Variants in ACSS1 observed in about 807,000 individuals in gnomAD.
ACSS1 encodes the protein acetyl-coenzyme A synthetase 2-like, mitochondrial.
In ACSS1, 42 loss-of-function variants were observed where a neutral mutation model predicts 75.3. The observed-to-expected ratio is 0.56, with a 90% confidence interval of 0.44 to 0.72. The LOEUF (loss-of-function observed/expected upper bound fraction) is 0.72, where lower values mean the gene tolerates loss of function less well. ACSS1 is among the 30% of genes least tolerant of loss of function. The pLI is 0.00. For missense variants in ACSS1, 782 were observed against 935.7 expected (o/e 0.84, Z 2.14); for synonymous variants, 380 against 376.8 (o/e 1.01, Z -0.10).
intron 2 of ACSS1, 142 bp downstream of exon 2, chr20:25,047,943 T>TA: frequency 1.6e-6 from 1 of 626,180 alleles, no homozygotes; most frequent in Non-Finnish European, 2.7e-6. Context: ...CGTTCACATT[T>TA]ACTTTTCCTG....
intron 7 of ACSS1, among the ~76,000 whole-genome samples, chr20:25,015,551 C>T (rs563038872): frequency 6.6e-6 from 1 of 152,298 alleles, no homozygotes; most frequent in East Asian, 1.9e-4. Flanking sequence ...CCTGCCTTGG[C>T]CTCCCAAAGT....
At chr20:25,031,206 C>A in intron 2 of ACSS1, 1 of 572,508 alleles carries the variant, frequency 1.7e-6, no homozygotes. Context: ...TCCTTAAGTC[C>A]GCTTACGGCA....
chr20:25,037,222 A>G (rs953175523), intron 2 of ACSS1, among the ~76,000 whole-genome samples: 1 of 152,058 alleles, frequency 6.6e-6, no homozygotes, highest in Non-Finnish European at 1.5e-5. Context: ...CCTAGCTCAT[A>G]TAAGGTACTC....
At chr20:25,025,715 G>T (rs1312677480) in intron 3 of ACSS1, among the ~76,000 whole-genome samples, 1 of 152,166 alleles carries the variant, frequency 6.6e-6, no homozygotes, top group Non-Finnish European at 1.5e-5. Context: ...TCAGCCAGGG[G>T]TCATTCTCAG....
At chr20:25,019,151 G>T (rs2088572557) in intron 7 of ACSS1, among the ~76,000 whole-genome samples, 1 of 152,252 alleles carries the variant, frequency 6.6e-6, no homozygotes, top group African/African-American at 2.4e-5. Context: ...TGCCCTGCAT[G>T]CTTCCCCAGT....
chr20:25,048,102 T>C lies in ACSS1; in HGVS notation c.414A>G (p.Glu138=). 8.1e-6 allele frequency: 13 copies of C among 1,613,650 alleles called. No homozygotes were observed. Among genetic ancestry groups the C allele is most frequent in the Non-Finnish European group, 1.0e-5 (12 of 1,179,922 alleles). The part of the protein sequence containing the change: ...LIWERDEPGT[E]VRITYRELLE... The stretch of plus-strand genomic sequence containing the variant: ...CACAGTACCTGTAGGTGATCCTCAC[T>C]TCCGTTCCAGGCTCATCGCGCTCCC... The change falls in exon 2 of 14, where the codon GAA becomes GAG. Residue 138 remains glutamate (E), a synonymous_variant. Coordinates refer to ENST00000323482, the MANE Select transcript of ACSS1 (RefSeq NM_032501.4).
At chr20:25,016,067 A>T (rs2088510346) in intron 7 of ACSS1, among the ~76,000 whole-genome samples, 2 of 152,186 alleles carry the variant, frequency 1.3e-5, no homozygotes, top group Non-Finnish European at 2.9e-5. Context: ...GGCTAAATAC[A>T]ATATGGCACG....
intron 3 of ACSS1, among the ~76,000 whole-genome samples, chr20:25,025,150 T>G (rs2088693953): frequency 6.6e-6 from 1 of 152,204 alleles, no homozygotes; most frequent in Non-Finnish European, 1.5e-5. Context: ...GCTCTCACGA[T>G]ACAATGACCC....
chr20:25,049,736 G>C (rs1390134987), intron 1 of ACSS1, among the ~76,000 whole-genome samples: 1 of 152,086 alleles, frequency 6.6e-6, no homozygotes, highest in African/African-American at 2.4e-5. Context: ...TTATGGATGG[G>C]AGAACAGAGG....
In ACSS1 at chr20:25,007,060, A is replaced by G; in HGVS notation, c.*702T>C. 1 of 1,472,156 alleles carries G rather than the reference A, an allele frequency of 6.8e-7. No individual in the cohort carries two copies. Among genetic ancestry groups the G allele is most frequent in the Non-Finnish European group, 9.0e-7 (1 of 1,115,730 alleles). The allele number at this position is 1,472,156 out of a possible 1,614,324, so 91.2% of individuals were successfully genotyped here. A position where few individuals can be genotyped will look rare whatever the true frequency, so the allele number is the denominator to read the frequency against. On this transcript the variant is annotated 3_prime_UTR_variant, in exon 14 of 14. Transcript: ENST00000323482. ...ACCCCACCGCTTAGGAGTTAGCTCC[A>G]TTATACACAACCAAGCACAGGAGAA...
intron 1 of ACSS1, among the ~76,000 whole-genome samples, chr20:25,054,366 A>T (rs2089214539): frequency 6.6e-6 from 1 of 152,266 alleles, no homozygotes; most frequent in African/African-American, 2.4e-5. Context: ...TTAATAAATA[A>T]CAAATAGTCA....
intron 8 of ACSS1, 116 bp downstream of exon 8, chr20:25,015,022 C>T (rs765241823): frequency 1.2e-6 from 1 of 833,740 alleles, no homozygotes; most frequent in Non-Finnish European, 1.8e-6. Flanking sequence ...CAGTCTCGGG[C>T]GTTGAAGCGT....
chr20:25,049,934 A>C (rs758182786), intron 1 of ACSS1, among the ~76,000 whole-genome samples: 2 of 152,044 alleles, frequency 1.3e-5, no homozygotes, highest in African/African-American at 2.4e-5. Context: ...CTTTGCCGGT[A>C]GTGGGGGAAT....
At chr20:25,018,634 T>C (rs2088562231) in intron 7 of ACSS1, among the ~76,000 whole-genome samples, 1 of 152,222 alleles carries the variant, frequency 6.6e-6, no homozygotes, top group African/African-American at 2.4e-5. Context: ...GTGCCTCCTC[T>C]TCCTTCTCTG....
At chr20:25,054,036 C>G (rs963629720) in intron 1 of ACSS1, among the ~76,000 whole-genome samples, 1 of 152,352 alleles carries the variant, frequency 6.6e-6, no homozygotes, top group South Asian at 2.1e-4. Context: ...CCTTTTAGAA[C>G]CTGGCTCTCC....
intron 2 of ACSS1, among the ~76,000 whole-genome samples, chr20:25,042,536 C>T (rs574307001): frequency 1.3e-5 from 2 of 152,194 alleles, no homozygotes; most frequent in African/African-American, 2.4e-5. Context: ...GCTGTTCCCC[C>T]ACAGCCTCCC....
rs371255511 is a variant in ACSS1 at position 25,014,027 on chromosome 20, C to T, written c.1386G>A (p.Ala462=). The part of the protein sequence containing the change: ...CIAPRPSEEG[A]EILPAMAMRP... ...TCATCGCCATGGCAGGGAGGATTTC[C>T]GCCCCTTCTTCCGAGGGCCGTGGTG... The change falls in exon 9 of 14, where the codon GCG becomes GCA. Residue 462 remains alanine (A), a synonymous_variant. Coordinates refer to ENST00000323482, the MANE Select transcript of ACSS1 (RefSeq NM_032501.4). 127 of 1,613,574 alleles carry T rather than the reference C, an allele frequency of 7.9e-5. No individual in the cohort carries two copies. Among genetic ancestry groups the T allele is most frequent in the South Asian group, 7.0e-4 (64 of 91,000 alleles).
intron 1 of ACSS1, among the ~76,000 whole-genome samples, chr20:25,056,759 C>T (rs1414421689): frequency 6.6e-6 from 1 of 152,178 alleles, no homozygotes; most frequent in Non-Finnish European, 1.5e-5. Flanking sequence ...TTCTTAAACA[C>T]TCCCAAATCC....
rs766036115 is a variant in ACSS1 at position 25,057,952 on chromosome 20, C to G, written c.151G>C (p.Ala51Pro). The change falls in exon 1 of 14, where the codon GCA becomes CCA. Residue 51 changes from alanine to proline, a missense_variant. Ala to Pro is a conservative substitution (Grantham distance 27). Around this residue, in one of 2 missense-constraint regions of ACSS1, gnomAD observed 377 missense variants for 383.1 expected, o/e 0.98. Coordinates refer to ENST00000323482, the MANE Select transcript of ACSS1 (RefSeq NM_032501.4). ...GGATACGAGCCTGGCTGTGCTGCTG[C>G]TGCTGCAACTGCGGGAGCGCTGCCC... Reference protein sequence around the residue: ...PSGSAPAVAAAAAQPGSYPAL... With the variant: ...PSGSAPAVAAPAAQPGSYPAL... 5 of 1,598,068 alleles carry G rather than the reference C, an allele frequency of 3.1e-6. No homozygotes were observed. The highest frequency in any genetic ancestry group is 1.3e-5 in the African/African-American group (1 of 74,380).
Sources: gnomAD v4.1 joint callset for allele counts (sites outside exome capture counted in the v4.1 genomes callset) on GRCh38, gnomAD v4.1.1 for gene constraint, gnomAD v4.1.1 regional missense constraint, MANE v1.5 for transcripts, NCBI Gene and HGNC (gene_info 2026-07-23, HGNC 2026-07-21) for gene names.